GDPD5: variants seen among roughly 807,000 people sequenced by gnomAD.
The protein encoded by GDPD5 is glycerophosphodiester phosphodiesterase 2.
GDPD5 carries 48 observed loss-of-function variants against 75.1 expected under a neutral mutation model. The ratio of observed to expected loss-of-function variants is 0.64; its 90% CI spans 0.51 to 0.81. The LOEUF is 0.81. GDPD5 is among the 40% of genes least tolerant of loss of function. GDPD5 has a pLI of 0.00. For missense variants in GDPD5, 706 were observed against 822.6 expected (o/e 0.86, Z 1.73); for synonymous variants, 336 against 339.0 (o/e 0.99, Z 0.10).
rs369059239 is a variant in GDPD5, at chr11:75,499,054, A to G, written c.-144-8734T>C. Among the ~76,000 whole-genome samples, 23 of 152,048 alleles carry G rather than the reference A, an allele frequency of 1.5e-4. No individual in the cohort carries two copies. The South Asian group carries it at 3.1e-3, about 21-fold the overall frequency. On this transcript the variant is annotated intron_variant, in intron 1 of 16. Transcript: ENST00000336898. ...CTTAGCAGGTTTCCCTCAGCAGGGA[A>G]GCTTCCTAATGAGTCACTGTCACAC...
rs184281734 is a variant in GDPD5, at chr11:75,476,690, G to C, written c.117+929C>G. ...GGGAGATGGCAATGAATCAGGCCTG[G>C]TGCCCACCCTGGCAGTTCCTGCTTT... On this transcript the variant is annotated intron_variant, in intron 3 of 16. Transcript: ENST00000336898. Among the ~76,000 whole-genome samples the C allele has an allele frequency of 7.9e-4, 120 of 152,250 alleles. No individual in the cohort carries two copies. In the East Asian group the frequency reaches 0.021, roughly 27 times the overall value.
intron 1 of GDPD5, among the ~76,000 whole-genome samples, chr11:75,510,311 G>T (rs933429017): frequency 6.6e-5 from 10 of 152,152 alleles, no homozygotes; most frequent in Non-Finnish European, 1.2e-4. Context: ...AGGTGACCTC[G>T]CCTGACCACA....
At chr11:75,521,682 G>A (rs80091892) in intron 1 of GDPD5, among the ~76,000 whole-genome samples, 4,110 of 152,306 alleles carry the variant, frequency 0.027, 180 homozygotes, top group African/African-American at 0.094. Flanking sequence ...GAGGGGGCAT[G>A]ACCAGAGGGT....
chr11:75,446,749 C>T (rs766798377), intron 9 of GDPD5, among the ~76,000 whole-genome samples: 1 of 152,192 alleles, frequency 6.6e-6, no homozygotes, highest in Non-Finnish European at 1.5e-5. Context: ...CAGGGACACA[C>T]AGAGGGGACC....
At chr11:75,503,373 A>G (rs1002494241) in intron 1 of GDPD5, among the ~76,000 whole-genome samples, 3 of 152,206 alleles carry the variant, frequency 2.0e-5, no homozygotes, top group Non-Finnish European at 4.4e-5. Flanking sequence ...GTTACGTGAC[A>G]ACAGTAACTG....
At chr11:75,449,719 G>T in intron 7 of GDPD5, 109 bp from the exon 8 acceptor site, 1 of 1,302,270 alleles carries the variant, frequency 7.7e-7, no homozygotes, top group Non-Finnish European at 1.1e-6. Context: ...GTCTCCATCT[G>T]CCAACTGGGG....
chr11:75,518,059 C>T (rs1592169759), intron 1 of GDPD5, among the ~76,000 whole-genome samples: 1 of 152,356 alleles, frequency 6.6e-6, no homozygotes. Context: ...CCCACCCTAA[C>T]CAGCGCCAGT....
intron 12 of GDPD5, 129 bp from the exon 13 acceptor site, chr11:75,441,932 T>A (rs1948825983): frequency 3.2e-6 from 3 of 943,644 alleles, no homozygotes; most frequent in Non-Finnish European, 4.6e-6. Context: ...GATGAAGTCA[T>A]TAGCAGGGCA....
intron 11 of GDPD5, chr11:75,442,919 T>C (rs745657886): frequency 1.6e-6 from 1 of 630,658 alleles, no homozygotes; most frequent in Non-Finnish European, 2.8e-6. Flanking sequence ...CCTGTCAACC[T>C]TTTCTAGTGA....
chr11:75,501,267 C>T lies in GDPD5; in HGVS notation c.-144-10947G>A, dbSNP rs184516414. ...CTTAGCCCCTTTCAGAGCACCCTAA[C>T]CTGACTGCCATTTATGACAAGATAA... On this transcript the variant is annotated intron_variant, in intron 1 of 16. Transcript: ENST00000336898. Among the ~76,000 whole-genome samples, 7 of 152,352 alleles carry T rather than the reference C, an allele frequency of 4.6e-5. No homozygotes were observed. In the East Asian group the frequency reaches 7.7e-4, roughly 17 times the overall value.
rs556380530 is a variant in GDPD5 at position 75,487,839 on chromosome 11, G to C, written c.-61+2398C>G. On this transcript the variant is annotated intron_variant, in intron 2 of 16. Transcript: ENST00000336898. The stretch of plus-strand genomic sequence containing the variant: ...GGCCTTGCCCAGAGGGCACAGCTTA[G>C]CATCTCAGAACTCAAAATCTCAGGC... Among the ~76,000 whole-genome samples, 2 of 152,220 alleles carry C rather than the reference G, an allele frequency of 1.3e-5. 1 individual carries two copies. Among genetic ancestry groups the C allele is most frequent in the South Asian group, 4.1e-4 (2 of 4,834 alleles).
chr11:75,452,584 C>T (rs1345115138), intron 6 of GDPD5, among the ~76,000 whole-genome samples: 3 of 152,174 alleles, frequency 2.0e-5, no homozygotes, highest in Admixed American at 6.5e-5. Context: ...TTATGGTGAA[C>T]GCAGTGCCTG....
intron 1 of GDPD5, among the ~76,000 whole-genome samples, chr11:75,524,951 T>C (rs1941609963): frequency 6.6e-6 from 1 of 152,226 alleles, no homozygotes; most frequent in African/African-American, 2.4e-5. Flanking sequence ...TTTCTCCATC[T>C]GCAAGCGCCG....
chr11:75,439,808 A>T, intron 15 of GDPD5, 71 bp downstream of exon 15: 2 of 1,265,002 alleles, frequency 1.6e-6, no homozygotes, highest in Non-Finnish European at 2.3e-6. Context: ...GAGAGGGTTC[A>T]CCTGGCTGGG....
At chr11:75,488,615 T>C (rs1950056227) in intron 2 of GDPD5, among the ~76,000 whole-genome samples, 1 of 152,110 alleles carries the variant, frequency 6.6e-6, no homozygotes, top group Non-Finnish European at 1.5e-5. Context: ...GGTTGGGCCC[T>C]CTGCCAGGAA....
intron 4 of GDPD5, among the ~76,000 whole-genome samples, chr11:75,460,741 C>T (rs778019992): frequency 1.4e-4 from 22 of 152,128 alleles, no homozygotes; most frequent in South Asian, 2.1e-4. Context: ...TCATTGTGCC[C>T]GGTCCCCAGA....
intron 1 of GDPD5, among the ~76,000 whole-genome samples, chr11:75,519,567 G>C (rs1450267423): frequency 3.3e-5 from 5 of 152,172 alleles, no homozygotes; most frequent in Non-Finnish European, 7.3e-5. Context: ...ATTATGTGCT[G>C]GGCATTTTTT....
intron 1 of GDPD5, among the ~76,000 whole-genome samples, chr11:75,504,377 A>G (rs1950353120): frequency 6.6e-6 from 1 of 152,160 alleles, no homozygotes; most frequent in South Asian, 2.1e-4. Flanking sequence ...TCCAACTTCA[A>G]AACTCCCTAC....
chr11:75,435,748 G>A (rs917594274), intron 16 of GDPD5, 93 bp from the exon 17 acceptor site: 4 of 1,327,916 alleles, frequency 3.0e-6, no homozygotes, highest in African/African-American at 2.9e-5. Flanking sequence ...ACCACCCAGC[G>A]GGGCACTTGG....
Sources: allele counts gnomAD v4.1 joint callset (sites outside exome capture counted in the v4.1 genomes callset), GRCh38; gene constraint gnomAD v4.1.1; transcripts MANE v1.5; gene names NCBI Gene and HGNC (gene_info 2026-07-23, HGNC 2026-07-21).